Variants in VPS26A observed in about 807,000 individuals in gnomAD.
VPS26A encodes VPS26 retromer complex component A.
A neutral mutation model predicts 42.4 loss-of-function variants in VPS26A; 22 were observed. The observed-to-expected ratio is 0.52, with a 90% CI of 0.37 to 0.74. The LOEUF is 0.74. VPS26A is among the 30% of genes least tolerant of loss of function. The pLI is 0.00. For missense variants in VPS26A, 276 were observed against 379.2 expected, an observed-to-expected ratio of 0.73 and a Z score of 2.26; for synonymous variants, 110 against 123.5, an observed-to-expected ratio of 0.89 and a Z score of 0.73.
At position 69,171,303 on chromosome 10, in the gene VPS26A, T is replaced by C; in HGVS notation, c.*34T>C. The C allele has an allele frequency of 6.3e-7, 1 of 1,579,186 alleles. No homozygotes were observed. The highest frequency in any genetic ancestry group is 8.6e-7 in the Non-Finnish European group (1 of 1,160,508). On this transcript the variant is annotated 3_prime_UTR_variant, in exon 9 of 9. Transcript: ENST00000263559. ...GGAGAAAAAAAGAAAAGCAAAAAAC[T>C]CCTGTAACCCTTGAGATTAAGTTCA...
chr10:69,143,721 A>T (rs1841094110), intron 2 of VPS26A, among the ~76,000 whole-genome samples: 1 of 151,960 alleles, frequency 6.6e-6, no homozygotes, highest in South Asian at 2.1e-4. Context: ...TTTCAAATTA[A>T]ATTTAATTTT....
At chr10:69,133,732 G>A (rs949428659) in intron 2 of VPS26A, 2 of 575,404 alleles carry the variant, frequency 3.5e-6, no homozygotes, top group Non-Finnish European at 5.6e-6. Context: ...GCTCAAGCTG[G>A]AGTGCAGTGG....
chr10:69,134,735 G>A (rs759895567), intron 2 of VPS26A, among the ~76,000 whole-genome samples: 64 of 149,358 alleles, frequency 4.3e-4, no homozygotes, highest in Admixed American at 8.1e-4. Flanking sequence ...TCTTAGTGTT[G>A]AATCCGAAGT....
chr10:69,152,433 CT>C (rs1329588105), intron 2 of VPS26A, among the ~76,000 whole-genome samples: 2 of 152,096 alleles, frequency 1.3e-5, no homozygotes, highest in Non-Finnish European at 2.9e-5. Context: ...TGTTTTTAAA[CT>C]TTTAATAATA....
intron 2 of VPS26A, 137 bp from the exon 3 acceptor site, chr10:69,155,675 T>G: frequency 1.5e-6 from 1 of 679,822 alleles, no homozygotes; most frequent in Non-Finnish European, 2.6e-6. Flanking sequence ...ATCATCCTGA[T>G]TTAGGTATGT....
chr10:69,147,203 A>AT (rs1432802075), intron 2 of VPS26A, among the ~76,000 whole-genome samples: 1 of 152,118 alleles, frequency 6.6e-6, no homozygotes, highest in Non-Finnish European at 1.5e-5. Flanking sequence ...TTATTGCCAT[A>AT]TGTCTGTGTT....
intron 6 of VPS26A, among the ~76,000 whole-genome samples, chr10:69,164,592 GTTA>G (rs2132235992): frequency 6.6e-6 from 1 of 152,246 alleles, no homozygotes; most frequent in African/African-American, 2.4e-5. Flanking sequence ...CCATGTAGAA[GTTA>G]TTGATGTTTA....
At chr10:69,163,536 C>G (rs2132234343) in intron 6 of VPS26A, among the ~76,000 whole-genome samples, 1 of 152,232 alleles carries the variant, frequency 6.6e-6, no homozygotes, top group African/African-American at 2.4e-5. Context: ...CTCATGAGCA[C>G]AATGCTGTAA....
intron 2 of VPS26A, among the ~76,000 whole-genome samples, chr10:69,148,428 G>T (rs1220358707): frequency 1.3e-5 from 2 of 152,130 alleles, no homozygotes; most frequent in African/African-American, 2.4e-5. Flanking sequence ...TTTAAGCAAG[G>T]AATATTTTTG....
rs77939437 is a variant in VPS26A, at chr10:69,127,813, C to T, written c.3+3533C>T. On this transcript the variant is annotated intron_variant, in intron 1 of 8. Transcript: ENST00000263559. ...TACTGCAGCCTCGACCTCCTGGGTT[C>T]AGCCTCCCAAGTAGCTGGGACTGCA... is the stretch of plus-strand genomic sequence containing the variant. Among the ~76,000 whole-genome samples the T allele has an allele frequency of 3.5e-5, 5 of 141,668 alleles. No homozygotes were observed. In the East Asian group the frequency reaches 6.2e-4, roughly 18 times the overall value. 92.9% of individuals were successfully genotyped at this position (141,668 alleles called of 152,430 possible). A position where few individuals can be genotyped will look rare whatever the true frequency, so the allele number is the denominator to read the frequency against.
At chr10:69,149,591 A>G (rs2132215565) in intron 2 of VPS26A, among the ~76,000 whole-genome samples, 1 of 151,970 alleles carries the variant, frequency 6.6e-6, no homozygotes, top group African/African-American at 2.4e-5. Flanking sequence ...TGTAGCCACA[A>G]ACTACTGAGC....
In VPS26A at chr10:69,149,727, G is replaced by GTTTTTTTTTT. The variant is rs151136046; in HGVS notation, c.154-6079_154-6078insTTTTTTTTTT. On this transcript the variant is annotated intron_variant, in intron 2 of 8. Transcript: ENST00000263559. ...ACCATGGAATGTTAACTTTCTTGGTGTTTTTTGTTTTTTTTTTTTTTTTTT... is the reference window on the plus strand; with the variant it reads ...ACCATGGAATGTTAACTTTCTTGGTGTTTTTTTTTTTTTTTTGTTTTTTTTTTTTTTTTTT... Among the ~76,000 whole-genome samples, 35 of 93,944 alleles carry GTTTTTTTTTT rather than the reference G, an allele frequency of 3.7e-4. 2 individuals carry two copies. The highest frequency in any genetic ancestry group is 1.1e-3 in the African/African-American group (22 of 20,574). 61.6% of individuals were successfully genotyped at this position (93,944 alleles called of 152,430 possible). A position where few individuals can be genotyped will look rare whatever the true frequency, so the allele number is the denominator to read the frequency against.
chr10:69,162,361 T>C (rs1174145050), intron 5 of VPS26A, 45 bp from the exon 6 acceptor site: 2 of 1,040,014 alleles, frequency 1.9e-6, no homozygotes, highest in Non-Finnish European at 2.9e-6. Context: ...CTGTTTTTGC[T>C]TGTTTTTAAA....
chr10:69,128,102 A>T (rs1249690055), intron 1 of VPS26A, among the ~76,000 whole-genome samples: 1 of 152,120 alleles, frequency 6.6e-6, no homozygotes, highest in Non-Finnish European at 1.5e-5. Context: ...ATATTTAAGG[A>T]ATGGTGTCAA....
chr10:69,125,787 C>T (rs1054047710), intron 1 of VPS26A, among the ~76,000 whole-genome samples: 4 of 152,108 alleles, frequency 2.6e-5, no homozygotes, highest in Non-Finnish European at 5.9e-5. Context: ...TGAGAGTCAG[C>T]CTTCCACCTC....
At position 69,145,235 on chromosome 10, in the gene VPS26A, A is replaced by G. The variant is rs190382372; in HGVS notation, c.154-10577A>G. On this transcript the variant is annotated intron_variant, in intron 2 of 8. Coordinates refer to ENST00000263559, the MANE Select transcript of VPS26A (RefSeq NM_004896.5). ...TTTTTAGTAGAAACTGGGTTTCACC[A>G]TATTGGCCAGGCTGGTCACGAACTC... Among the ~76,000 whole-genome samples the G allele has an allele frequency of 6.2e-3, 950 of 152,196 alleles. 16 individuals carry two copies. Among genetic ancestry groups the G allele is most frequent in the African/African-American group, 0.022 (902 of 41,506 alleles).
intron 8 of VPS26A, among the ~76,000 whole-genome samples, chr10:69,169,029 C>CT (rs891644569): frequency 4.0e-4 from 58 of 143,270 alleles, no homozygotes; most frequent in Non-Finnish European, 5.2e-4. Context: ...ATGGATATTG[C>CT]TTTTTTTTTT....
chr10:69,137,064 A>G (rs1211360168), intron 2 of VPS26A, among the ~76,000 whole-genome samples: 3 of 152,218 alleles, frequency 2.0e-5, no homozygotes, highest in African/African-American at 7.2e-5. Flanking sequence ...TGCTGGGATT[A>G]CAGGCGTGAG....
chr10:69,165,134 C>T (rs1302335696), intron 6 of VPS26A, among the ~76,000 whole-genome samples: 3 of 151,916 alleles, frequency 2.0e-5, no homozygotes, highest in Non-Finnish European at 4.4e-5. Flanking sequence ...CACCGTGTTG[C>T]CTAGGCTGGT....
Sources: allele counts gnomAD v4.1 joint callset (sites outside exome capture counted in the v4.1 genomes callset), GRCh38; gene constraint gnomAD v4.1.1; transcripts MANE v1.5; gene names NCBI Gene and HGNC (gene_info 2026-07-23, HGNC 2026-07-21).